Variants in PCDH15 observed in about 807,000 individuals in gnomAD.
PCDH15 encodes protocadherin related 15.
PCDH15 carries 129 observed loss-of-function variants against 178.5 expected under a neutral mutation model. That is an observed-to-expected ratio of 0.72 (90% confidence interval 0.63 to 0.84). The LOEUF (loss-of-function observed/expected upper bound fraction) is 0.84, where lower values mean the gene tolerates loss of function less well. PCDH15 is among the 40% of genes least tolerant of loss of function. The pLI is 0.00. For missense variants in PCDH15, 2,230 were observed against 2,099.9 expected, an observed-to-expected ratio of 1.06 and a Z score of -1.21; for synonymous variants, 800 against 732.0, an observed-to-expected ratio of 1.09 and a Z score of -1.50.
intron 2 of PCDH15, among the ~76,000 whole-genome samples, chr10:55,425,114 A>G (rs1838720159): frequency 7.3e-6 from 1 of 137,154 alleles, no homozygotes; most frequent in Non-Finnish European, 1.6e-5. Context: ...TTCTGAAATG[A>G]CTTAAATTTT....
At chr10:54,520,282 C>T (rs1379073227) in intron 3 of PCDH15, among the ~76,000 whole-genome samples, 1 of 152,004 alleles carries the variant, frequency 6.6e-6, no homozygotes, top group Non-Finnish European at 1.5e-5. Context: ...AGGCAACCTA[C>T]AAAATGGGAG....
At chr10:54,930,625 C>T (rs889929178) in intron 2 of PCDH15, among the ~76,000 whole-genome samples, 1 of 152,058 alleles carries the variant, frequency 6.6e-6, no homozygotes, top group South Asian at 2.1e-4. Context: ...TTTAAATGTC[C>T]TTTTAATGAC....
Position 53,857,186 on chromosome 10 carries a change from T to C in PCDH15, c.3795A>G (p.Glu1265=). Residue 1265 remains glutamate (E), a synonymous_variant, in exon 28 of 38, where the codon GAA becomes GAG. Transcript: ENST00000644397. ...ACAAAATCAATTACTCTGTAAGATC[T>C]TCTATCTTTTTTTCCACTAGAGTAG... ...VPPTLVEKKI[E]DLTEILDRYV... 1 of 1,597,560 alleles carries C rather than the reference T, an allele frequency of 6.3e-7. No individual in the cohort carries two copies. The highest frequency in any genetic ancestry group is 8.6e-7 in the Non-Finnish European group (1 of 1,165,540).
At chr10:55,515,270 C>T (rs746882671) in intron 2 of PCDH15, among the ~76,000 whole-genome samples, 15 of 151,930 alleles carry the variant, frequency 9.9e-5, no homozygotes, top group African/African-American at 3.1e-4. Context: ...TGAGCCACTG[C>T]GCGTGGCCGG....
chr10:55,417,309 A>C (rs180882585), intron 2 of PCDH15, among the ~76,000 whole-genome samples: 44 of 151,926 alleles, frequency 2.9e-4, no homozygotes, highest in African/African-American at 9.9e-4. Context: ...AATGAGAAAG[A>C]CATTATAAGC....
intron 1 of PCDH15, among the ~76,000 whole-genome samples, chr10:54,747,310 T>C (rs1044508897): frequency 1.3e-5 from 2 of 152,226 alleles, no homozygotes; most frequent in African/African-American, 4.8e-5. Context: ...GTCTCAGGTC[T>C]GTTATGTTAA....
At chr10:55,230,509 C>A (rs566058228) in intron 1 of PCDH15, among the ~76,000 whole-genome samples, 1 of 152,140 alleles carries the variant, frequency 6.6e-6, no homozygotes, top group Admixed American at 6.5e-5. Context: ...ATTTATTGTG[C>A]ATGCACAGGG....
At chr10:54,147,037 A>AAT (rs1170478638) in intron 14 of PCDH15, among the ~76,000 whole-genome samples, 1 of 133,990 alleles carries the variant, frequency 7.5e-6, no homozygotes, top group Non-Finnish European at 1.6e-5. Context: ...ACAAATATAT[A>AAT]ATATATATAT....
At chr10:53,966,805 G>GT (rs555060394) in intron 21 of PCDH15, among the ~76,000 whole-genome samples, 37 of 151,418 alleles carry the variant, frequency 2.4e-4, no homozygotes, top group African/African-American at 9.0e-4. Flanking sequence ...TATTAGTTAT[G>GT]TTTTAAAAAC....
At position 54,246,603 on chromosome 10, in the gene PCDH15, G is replaced by A. The variant is rs199829565; in HGVS notation, c.877-9672C>T. Among the ~76,000 whole-genome samples, 11 of 151,578 alleles carry A rather than the reference G, an allele frequency of 7.3e-5. No homozygotes were observed. The East Asian group carries it at 2.1e-3, about 29-fold the overall frequency. Reference sequence around the variant, plus strand: ...TTTTTTTCAACTGGCGATGAACTTTGTACTTCTTCTAGGGTATGCTGTGAG... The same window carrying A: ...TTTTTTTCAACTGGCGATGAACTTTATACTTCTTCTAGGGTATGCTGTGAG... On this transcript the variant is annotated intron_variant, in intron 8 of 37. Coordinates refer to ENST00000644397, the MANE Select transcript of PCDH15 (RefSeq NM_001384140.1).
intron 2 of PCDH15, among the ~76,000 whole-genome samples, chr10:55,598,351 CA>C (rs1842977424): frequency 6.6e-6 from 1 of 150,988 alleles, no homozygotes; most frequent in African/African-American, 2.4e-5. Flanking sequence ...GTTATATTAA[CA>C]AGACTGTTCG....
chr10:54,935,654 A>AG (rs1224310327), intron 2 of PCDH15, among the ~76,000 whole-genome samples: 18 of 152,164 alleles, frequency 1.2e-4, no homozygotes, highest in African/African-American at 4.3e-4. Flanking sequence ...AATTGTACTC[A>AG]CATACTCAGT....
chr10:54,334,727 T>A (rs571507225), intron 6 of PCDH15, among the ~76,000 whole-genome samples: 1 of 150,704 alleles, frequency 6.6e-6, no homozygotes, highest in African/African-American at 2.4e-5. Flanking sequence ...GTATATATAT[T>A]TTCTGGTGAC....
At chr10:54,047,285 T>C (rs1369451432) in intron 18 of PCDH15, among the ~76,000 whole-genome samples, 2 of 151,666 alleles carry the variant, frequency 1.3e-5, no homozygotes, top group African/African-American at 4.8e-5. Flanking sequence ...GCCTGTCCCA[T>C]GAGTGGGTAA....
intron 33 of PCDH15, among the ~76,000 whole-genome samples, chr10:53,818,960 T>A (rs2076158908): frequency 6.6e-6 from 1 of 152,158 alleles, no homozygotes; most frequent in South Asian, 2.1e-4. Flanking sequence ...GGTTTATGCA[T>A]TGTATATTGA....
intron 3 of PCDH15, among the ~76,000 whole-genome samples, chr10:54,822,206 A>C (rs1204699134): frequency 6.6e-6 from 1 of 152,124 alleles, no homozygotes; most frequent in African/African-American, 2.4e-5. Flanking sequence ...ATATGCAATA[A>C]ATTATTATCA....
chr10:53,952,500 G>T (rs139789759), intron 23 of PCDH15, among the ~76,000 whole-genome samples: 78 of 152,296 alleles, frequency 5.1e-4, no homozygotes, highest in African/African-American at 1.8e-3. Context: ...TCAGAAGGGA[G>T]AAAGTGATAT....
chr10:55,010,276 T>C (rs762446085), intron 2 of PCDH15, among the ~76,000 whole-genome samples: 2 of 152,160 alleles, frequency 1.3e-5, no homozygotes, highest in African/African-American at 2.4e-5. Context: ...AAGGGGCTAT[T>C]ATCCATTAAT....
chr10:55,483,088 A>T (rs913338428), intron 2 of PCDH15, among the ~76,000 whole-genome samples: 3 of 151,894 alleles, frequency 2.0e-5, no homozygotes, highest in African/African-American at 7.2e-5. Flanking sequence ...CAAAGATTTC[A>T]TTATAAAGTT....
Sources: allele counts gnomAD v4.1 joint callset (sites outside exome capture counted in the v4.1 genomes callset), GRCh38; gene constraint gnomAD v4.1.1; transcripts MANE v1.5; gene names NCBI Gene and HGNC (gene_info 2026-07-23, HGNC 2026-07-21).